The following PRICKLE2 variants were observed in gnomAD, a reference collection of about 807,000 sequenced individuals.
PRICKLE2 encodes prickle-like protein 2.
In PRICKLE2, 21 loss-of-function variants were observed where a neutral mutation model predicts 81.4. That is an observed-to-expected ratio of 0.26 (90% CI 0.18 to 0.37). PRICKLE2 has a LOEUF of 0.37. Among genes scored for constraint, PRICKLE2 ranks in the 10% least tolerant of loss-of-function variants. PRICKLE2 has a pLI of 1.00. For synonymous variants in PRICKLE2, 456 were observed against 421.5 expected, an observed-to-expected ratio of 1.08 and a Z score of -1.00; for missense variants, 940 against 1,109.0, an observed-to-expected ratio of 0.85 and a Z score of 2.16.
At position 64,099,126 on chromosome 3, in the gene PRICKLE2, T is replaced by C; in HGVS notation, c.2460A>G (p.Lys820=). Residue 820 remains lysine (K), a synonymous_variant, in exon 8 of 8, where the codon AAA becomes AAG. Transcript: ENST00000638394. The surrounding 1 kb of genome is among the most constrained non-coding windows in gnomAD (Gnocchi z 4.3). ...LHKYSSYGLP[K]SSTLGGRGQL... ...GTCCTCTGCCACCTAATGTGGAAGA[T>C]TTGGGGAGGCCGTAGGAGCTGTATT... 1.2e-6 allele frequency: 2 copies of C among 1,614,226 alleles called. No homozygotes were observed. The highest frequency in any genetic ancestry group is 1.7e-6 in the Non-Finnish European group (2 of 1,180,036).
chr3:64,115,387 T>C (rs2076918115), intron 7 of PRICKLE2, among the ~76,000 whole-genome samples: 1 of 152,096 alleles, frequency 6.6e-6, no homozygotes, highest in African/African-American at 2.4e-5. Flanking sequence ...AATGACCCAA[T>C]TAAAAGACAC....
At chr3:64,199,253 A>G in intron 1 of PRICKLE2, 1 of 560,364 alleles carries the variant, frequency 1.8e-6, no homozygotes, top group Non-Finnish European at 3.2e-6. Context: ...CCCCAAGAGG[A>G]ATGGTAATAT....
At chr3:64,113,361 C>A (rs571002093) in intron 7 of PRICKLE2, among the ~76,000 whole-genome samples, 1 of 152,150 alleles carries the variant, frequency 6.6e-6, no homozygotes, top group African/African-American at 2.4e-5. Flanking sequence ...GACCTGTGCA[C>A]CCCTTAGTCT....
intron 1 of PRICKLE2, among the ~76,000 whole-genome samples, chr3:64,218,272 A>AT (rs1176807655): frequency 6.6e-6 from 1 of 152,156 alleles, no homozygotes; most frequent in Non-Finnish European, 1.5e-5. Context: ...AAATCAGAAC[A>AT]TTTTTTACTT....
At chr3:64,122,583 A>T (rs2077043324) in intron 7 of PRICKLE2, among the ~76,000 whole-genome samples, 2 of 152,058 alleles carry the variant, frequency 1.3e-5, no homozygotes. Flanking sequence ...GGCTGCCCTC[A>T]CTTGTGGGTG....
chr3:64,179,432 T>A, intron 2 of PRICKLE2, among the ~76,000 whole-genome samples: 1 of 152,144 alleles, frequency 6.6e-6, no homozygotes, highest in East Asian at 1.9e-4. Flanking sequence ...TTAGAAACAC[T>A]AGATGGCACT....
At chr3:64,133,906 C>T (rs2077236802) in intron 7 of PRICKLE2, among the ~76,000 whole-genome samples, 1 of 152,132 alleles carries the variant, frequency 6.6e-6, no homozygotes, top group Admixed American at 6.5e-5. Context: ...CTGGTTCTTG[C>T]CTTCTATCCC....
At chr3:64,185,058 T>C (rs1444415204) in intron 2 of PRICKLE2, among the ~76,000 whole-genome samples, 4 of 152,220 alleles carry the variant, frequency 2.6e-5, no homozygotes, top group Admixed American at 2.0e-4. Context: ...AAGGAGACTA[T>C]AATACAAGCC....
intron 7 of PRICKLE2, chr3:64,100,206 C>T: frequency 2.0e-6 from 1 of 488,942 alleles, no homozygotes; most frequent in Non-Finnish European, 3.7e-6. Context: ...TAAGAGCCCA[C>T]TGTGTATCCT....
At chr3:64,139,131 C>T (rs1237903188) in intron 7 of PRICKLE2, among the ~76,000 whole-genome samples, 1 of 152,184 alleles carries the variant, frequency 6.6e-6, no homozygotes, top group African/African-American at 2.4e-5. Flanking sequence ...ACCCTGTTAC[C>T]TTCTGGCATT....
intron 2 of PRICKLE2, among the ~76,000 whole-genome samples, chr3:64,186,727 G>T (rs153719): frequency 0.43 from 65,005 of 152,076 alleles, 14,785 homozygotes; most frequent in African/African-American, 0.59. Context: ...AATGCATAAA[G>T]GAAGGCACAG....
chr3:64,223,837 C>G (rs545725672), intron 1 of PRICKLE2, among the ~76,000 whole-genome samples: 1 of 152,264 alleles, frequency 6.6e-6, no homozygotes, highest in African/African-American at 2.4e-5. Flanking sequence ...ATTACAGCAG[C>G]CAATTTGGCC....
chr3:64,186,547 T>C (rs1464156664), intron 2 of PRICKLE2, among the ~76,000 whole-genome samples: 1 of 152,220 alleles, frequency 6.6e-6, no homozygotes, highest in Non-Finnish European at 1.5e-5. Context: ...TCTACCTTTG[T>C]ATGGCTCCAG....
intron 7 of PRICKLE2, among the ~76,000 whole-genome samples, chr3:64,133,363 A>G (rs1223222016): frequency 6.6e-6 from 1 of 152,130 alleles, no homozygotes; most frequent in Non-Finnish European, 1.5e-5. Flanking sequence ...CTCCTGGAAG[A>G]GGAGCCAGAG....
chr3:64,190,382 T>A (rs1049013134), intron 2 of PRICKLE2: 1 of 134,412 alleles, frequency 7.4e-6, no homozygotes, highest in African/African-American at 2.7e-5. Context: ...ATCCTATTCT[T>A]AACATCACTA....
At chr3:64,205,698 A>AT (rs1354800343) in intron 1 of PRICKLE2, among the ~76,000 whole-genome samples, 2 of 152,238 alleles carry the variant, frequency 1.3e-5, no homozygotes, top group African/African-American at 4.8e-5. Flanking sequence ...TGCAAACATC[A>AT]TTAAGCCTGT....
At chr3:64,238,503 AAAAAG>A (rs555645254) in intron 2 of PRICKLE2, among the ~76,000 whole-genome samples, 14 of 151,782 alleles carry the variant, frequency 9.2e-5, no homozygotes, top group African/African-American at 2.4e-4. Flanking sequence ...AAAAAAAAGA[AAAAAG>A]AAAAGAAAAG....
At chr3:64,167,004 C>T (rs1235967712) in intron 2 of PRICKLE2, among the ~76,000 whole-genome samples, 1 of 152,220 alleles carries the variant, frequency 6.6e-6, no homozygotes, top group Non-Finnish European at 1.5e-5. Flanking sequence ...TACAGGAATG[C>T]TGCCTGCATT....
At chr3:64,105,861 G>T (rs934574731) in intron 7 of PRICKLE2, 2 of 152,230 alleles carry the variant, frequency 1.3e-5, no homozygotes, top group African/African-American at 4.8e-5. Flanking sequence ...TAAACCTCTT[G>T]AGATGCATCA....
Sources: allele counts gnomAD v4.1 joint callset (sites outside exome capture counted in the v4.1 genomes callset), GRCh38; gene constraint gnomAD v4.1.1; non-coding constraint Gnocchi (gnomAD v3.1); transcripts MANE v1.5; gene names NCBI Gene and HGNC (gene_info 2026-07-23, HGNC 2026-07-21).